SMARCC2: variants seen among roughly 807,000 people sequenced by gnomAD.
SMARCC2 encodes the protein SWI/SNF related BAF chromatin remodeling complex subunit C2, also known as SWI/SNF complex subunit SMARCC2.
A neutral mutation model predicts 151.3 loss-of-function variants in SMARCC2; 15 were observed. That is an observed-to-expected ratio of 0.10 (90% CI 0.07 to 0.15). SMARCC2 has a LOEUF of 0.15. SMARCC2 is among the 10% of genes least tolerant of loss of function. The probability of loss-of-function intolerance (pLI) is 1.00; values close to 1 mark genes in which losing one functional copy is unlikely to be tolerated. For missense variants in SMARCC2, 1,031 were observed against 1,599.7 expected (o/e 0.64, Z 6.06); for synonymous variants, 590 against 609.5 (o/e 0.97, Z 0.47).
chr12:56,184,089 G>A (rs1232446878), intron 6 of SMARCC2, 86 bp downstream of exon 6: 2 of 1,102,688 alleles, frequency 1.8e-6, no homozygotes. Context: ...AGAAGAGGAG[G>A]AGCCCAGGTA....
In SMARCC2 at chr12:56,173,846, G is replaced by A; in HGVS notation, c.1500C>T (p.Val500=). The A allele has an allele frequency of 1.2e-6, 2 of 1,612,882 alleles. No individual in the cohort carries two copies. Among genetic ancestry groups the A allele is most frequent in the Non-Finnish European group, 1.7e-6 (2 of 1,179,274 alleles). Residue 500 remains valine (V), a synonymous_variant, in exon 17 of 29, where the codon GTC becomes GTT. Transcript: ENST00000550164. Reference sequence around the variant, plus strand: ...GACCCCACTGTTCTAGGAAGGCATGGACCCTGTGCAGAGAGAGGCAGAGAC... The same window carrying A: ...GACCCCACTGTTCTAGGAAGGCATGAACCCTGTGCAGAGAGAGGCAGAGAC... ...LAGDVCAIMR[V]HAFLEQWGLI... is the part of the protein sequence containing the mutation.
At position 56,183,934 on chromosome 12, in the gene SMARCC2, G is replaced by A; in HGVS notation, c.563-4C>T. On this transcript the variant is annotated splice_polypyrimidine_tract_variant and splice_region_variant and intron_variant, in intron 6 of 28. Coordinates refer to ENST00000550164, the MANE Select transcript of SMARCC2 (RefSeq NM_001330288.2). ...ATGACTGGTCGTACCCATTCCTCTG[G>A]GGATAGAGGAAGAGAAGGGAGAGAT... The A allele has an allele frequency of 6.2e-7, 1 of 1,602,788 alleles. No homozygotes were observed. The highest frequency in any genetic ancestry group is 8.5e-7 in the Non-Finnish European group (1 of 1,170,192).
At position 56,162,502 on chromosome 12, in the gene SMARCC2, G is replaced by A. The variant is rs1379370731; in HGVS notation, c.*1187C>T. 5.3e-6 allele frequency: 3 copies of A among 564,204 alleles called. No homozygotes were observed. Among genetic ancestry groups the A allele is most frequent in the East Asian group, 5.8e-5 (2 of 34,474 alleles). The allele number at this position is 564,204 out of a possible 1,614,324, so 34.9% of individuals were successfully genotyped here. On this transcript the variant is annotated 3_prime_UTR_variant, in exon 29 of 29. Coordinates refer to ENST00000550164, the MANE Select transcript of SMARCC2 (RefSeq NM_001330288.2). The stretch of plus-strand genomic sequence containing the variant: ...GGGGACATGAGGAACAAAGGGCCTG[G>A]TGGGAGGAACCAAGAAGAACCAGTG...
chr12:56,173,158 C>T (rs1874275715), intron 17 of SMARCC2, 129 bp from the exon 18 acceptor site: 1 of 703,720 alleles, frequency 1.4e-6, no homozygotes, highest in Admixed American at 2.4e-5. Context: ...TTCCATGTTC[C>T]CTTCATGATT....
At chr12:56,183,811 T>C (rs1460991600) in intron 7 of SMARCC2, 50 bp downstream of exon 7, 1 of 1,313,036 alleles carries the variant, frequency 7.6e-7, no homozygotes, top group Non-Finnish European at 1.1e-6. Flanking sequence ...GTCCTAGGGC[T>C]TCTGGGTCTG....
rs1407344337 is a variant in SMARCC2 at position 56,183,850 on chromosome 12, C to T, written c.632+11G>A. 1.2e-6 allele frequency: 2 copies of T among 1,607,994 alleles called. No individual in the cohort carries two copies. Among genetic ancestry groups the T allele is most frequent in the African/African-American group, 2.7e-5 (2 of 74,766 alleles). ...CTTATACTTAAACCTGCCCCAGGAA[C>T]CCATCCTCACCTGTCAGGATAGTAG... is the stretch of plus-strand genomic sequence containing the variant. On this transcript the variant is annotated intron_variant, in intron 7 of 28. Coordinates refer to ENST00000550164, the MANE Select transcript of SMARCC2 (RefSeq NM_001330288.2).
chr12:56,188,379 T>TA (rs1177366577), intron 1 of SMARCC2, among the ~76,000 whole-genome samples: 1 of 152,074 alleles, frequency 6.6e-6, no homozygotes, highest in Non-Finnish European at 1.5e-5. Flanking sequence ...CCTAAGCCAC[T>TA]AAGCACACTT....
intron 7 of SMARCC2, among the ~76,000 whole-genome samples, chr12:56,182,920 A>G (rs1278035367): frequency 1.4e-5 from 2 of 146,656 alleles, no homozygotes; most frequent in Non-Finnish European, 3.0e-5. Flanking sequence ...TGCAGACTCA[A>G]CCTCCTGGGC....
intron 23 of SMARCC2, 115 bp downstream of exon 23, chr12:56,170,029 T>C: frequency 7.0e-7 from 1 of 1,435,026 alleles, no homozygotes. Context: ...GATCTGATTC[T>C]AGGAGACAAC....
chr12:56,167,622 C>T (rs1039278251), intron 26 of SMARCC2, among the ~76,000 whole-genome samples: 1 of 152,082 alleles, frequency 6.6e-6, no homozygotes, highest in Non-Finnish European at 1.5e-5. Flanking sequence ...TCTCATCATC[C>T]GTTACGCCCA....
rs1175498819 is a variant in SMARCC2 at position 56,162,484 on chromosome 12, T to C, written c.*1205A>G. On this transcript the variant is annotated 3_prime_UTR_variant, in exon 29 of 29. Coordinates refer to ENST00000550164, the MANE Select transcript of SMARCC2 (RefSeq NM_001330288.2). ...GCAGAGGGAGAGAAACATGGGGACATGAGGAACAAAGGGCCTGGTGGGAGG... is the reference window on the plus strand; with the variant it reads ...GCAGAGGGAGAGAAACATGGGGACACGAGGAACAAAGGGCCTGGTGGGAGG... The C allele has an allele frequency of 1.7e-6, 1 of 574,974 alleles. No individual in the cohort carries two copies. The highest frequency in any genetic ancestry group is 3.2e-5 in the Admixed American group (1 of 30,904). 35.6% of individuals were successfully genotyped at this position (574,974 alleles called of 1,614,324 possible). A position where few individuals can be genotyped will look rare whatever the true frequency, so the allele number is the denominator to read the frequency against.
Position 56,163,754 on chromosome 12 carries a change from G to A in SMARCC2, c.3673C>T (p.Pro1225Ser), listed in dbSNP as rs768762777. 4 of 1,512,544 alleles carry A rather than the reference G, an allele frequency of 2.6e-6. No homozygotes were observed. Among genetic ancestry groups the A allele is most frequent in the African/African-American group, 2.9e-5 (2 of 68,044 alleles). The allele number at this position is 1,512,544 out of a possible 1,614,324, so 93.7% of individuals were successfully genotyped here. Residue 1225 changes from proline (P) to serine (S), a missense_variant, in exon 29 of 29, where the codon CCC becomes TCC. By Grantham distance (74) the Pro-to-Ser change is moderately conservative (BLOSUM62 -1). This residue lies in a region of SMARCC2 where 310 missense variants were observed against 350.0 expected (regional missense o/e 0.89). Coordinates refer to ENST00000550164, the MANE Select transcript of SMARCC2 (RefSeq NM_001330288.2). ...SASPLPDPGT[P>S]LPPDPTAPSP... The stretch of plus-strand genomic sequence containing the variant: ...GGGGCTGTGGGGTCTGGAGGCAGGG[G>A]GGTGCCTGGGTCTGTGGAGAAAAGG...
Position 56,178,870 on chromosome 12 carries a change from T to C in SMARCC2, c.1142-23A>G, listed in dbSNP as rs767113841. The C allele has an allele frequency of 2.5e-6, 4 of 1,613,822 alleles. No homozygotes were observed. The South Asian group carries it at 4.4e-5, about 18-fold the overall frequency. On this transcript the variant is annotated intron_variant, in intron 12 of 28. Coordinates refer to ENST00000550164, the MANE Select transcript of SMARCC2 (RefSeq NM_001330288.2). ...CATCTGAAAGAGAAAAACCAAGATG[T>C]AAGGCTGGAGCCTCCTGAGGGGCAA...
Position 56,187,192 on chromosome 12 carries a change from G to A in SMARCC2, c.226C>T (p.Leu76=). The change falls in exon 2 of 29, where the codon CTG becomes TTG. Residue 76 remains leucine, a synonymous_variant. Transcript: ENST00000550164. ...CCTGCTACTTCTGCACTCACCGGCA[G>A]TTTAGTGAGCGGTGCATTGCTGACA... ...KHVSNAPLTK[L]PIKCFLDFKA... is the part of the protein sequence containing the mutation. 1.2e-6 allele frequency: 2 copies of A among 1,613,724 alleles called. No individual in the cohort carries two copies. The highest frequency in any genetic ancestry group is 2.2e-5 in the South Asian group (2 of 91,066).
At chr12:56,178,728 G>A in intron 13 of SMARCC2, 82 bp downstream of exon 13, 1 of 1,515,480 alleles carries the variant, frequency 6.6e-7, no homozygotes, top group South Asian at 1.1e-5. Context: ...AGTCTGGGCA[G>A]TGAAAAGTTT....
chr12:56,178,640 G>A (rs747776441), intron 13 of SMARCC2, 106 bp from the exon 14 acceptor site: 253 of 1,540,460 alleles, frequency 1.6e-4, no homozygotes, highest in Non-Finnish European at 2.2e-4. Flanking sequence ...TGGGTGATGG[G>A]ACTGAGCAGT....
At chr12:56,182,184 T>A in intron 7 of SMARCC2, 105 bp from the exon 8 acceptor site, 1 of 725,748 alleles carries the variant, frequency 1.4e-6, no homozygotes, top group Non-Finnish European at 2.3e-6. Flanking sequence ...ATTGGGTTCT[T>A]GGCTTATTTT....
At position 56,165,497 on chromosome 12, in the gene SMARCC2, GCCAAGC is replaced by G; in HGVS notation, c.3047_3052del (p.Gly1016_Leu1017del). ...AGGGACTACAGAGGCTGGAGCCACA[GCCAAGC>G]CATGGACTGCGGGTGGCCCAGCAGC... On this transcript the variant is annotated inframe_deletion, in exon 27 of 29. Coordinates refer to ENST00000550164, the MANE Select transcript of SMARCC2 (RefSeq NM_001330288.2). 6.3e-7 allele frequency: 1 copy of G among 1,584,352 alleles called. No homozygotes were observed. The highest frequency in any genetic ancestry group is 8.6e-7 in the Non-Finnish European group (1 of 1,164,880).
chr12:56,183,694 T>G lies in SMARCC2; in HGVS notation c.632+167A>C, dbSNP rs1284394573. On this transcript the variant is annotated intron_variant, in intron 7 of 28. Coordinates refer to ENST00000550164, the MANE Select transcript of SMARCC2 (RefSeq NM_001330288.2). ...TCCTTTTAGCCCAAGGCTTGTCCAC[T>G]AAGTCCAAACCTCCCCCAAGACAGA... The G allele has an allele frequency of 3.9e-5, 21 of 534,474 alleles. No homozygotes were observed. In the East Asian group the frequency reaches 6.3e-4, roughly 16 times the overall value. The allele number at this position is 534,474 out of a possible 1,614,324, so 33.1% of individuals were successfully genotyped here.
Sources: allele counts gnomAD v4.1 joint callset (sites outside exome capture counted in the v4.1 genomes callset), GRCh38; gene constraint gnomAD v4.1.1; regional missense constraint gnomAD v4.1.1; transcripts MANE v1.5; gene names NCBI Gene and HGNC (gene_info 2026-07-23, HGNC 2026-07-21).